The following HLCS variants were observed in gnomAD, a reference collection of about 807,000 sequenced individuals.
HLCS encodes holocarboxylase synthetase, also known as biotin--protein ligase.
HLCS carries 53 observed loss-of-function variants against 75.0 expected under a neutral mutation model. The observed-to-expected ratio is 0.71, with a 90% CI of 0.57 to 0.89. The LOEUF is 0.89. HLCS is among the 40% of genes least tolerant of loss of function. The pLI is 0.00. For synonymous variants in HLCS, 431 were observed against 428.6 expected, an observed-to-expected ratio of 1.01 and a Z score of -0.07; for missense variants, 966 against 1,074.0, an observed-to-expected ratio of 0.90 and a Z score of 1.41.
At chr21:36,857,112 C>T (rs759618067) in intron 6 of HLCS, among the ~76,000 whole-genome samples, 36 of 152,164 alleles carry the variant, frequency 2.4e-4, no homozygotes, top group Non-Finnish European at 4.7e-4. Context: ...CAAAATAGGT[C>T]AAACAACATG....
intron 6 of HLCS, among the ~76,000 whole-genome samples, chr21:36,861,846 G>T (rs1207408281): frequency 6.6e-6 from 1 of 152,100 alleles, no homozygotes; most frequent in Non-Finnish European, 1.5e-5. Flanking sequence ...CTTTCACAAA[G>T]TTGTATAACC....
intron 1 of HLCS, chr21:36,973,610 T>G (rs138140989): frequency 6.6e-6 from 1 of 152,320 alleles, no homozygotes; most frequent in Non-Finnish European, 1.5e-5. Flanking sequence ...TACCTGGCAT[T>G]CCTGACCATG....
At chr21:36,882,765 C>A (rs1036003602) in intron 6 of HLCS, among the ~76,000 whole-genome samples, 3 of 151,826 alleles carry the variant, frequency 2.0e-5, no homozygotes, top group Admixed American at 6.6e-5. Context: ...CCGGCCCAGT[C>A]TGAGGTTTTT....
intron 7 of HLCS, 88 bp downstream of exon 7, chr21:36,767,130 G>A (rs1465488197): frequency 1.0e-5 from 13 of 1,261,246 alleles, no homozygotes; most frequent in Non-Finnish European, 1.4e-5. Flanking sequence ...CAGATGATCA[G>A]CACACACATT....
At chr21:36,782,955 C>T (rs1030344032) in intron 6 of HLCS, among the ~76,000 whole-genome samples, 16 of 151,960 alleles carry the variant, frequency 1.1e-4, no homozygotes, top group Non-Finnish European at 2.2e-4. Context: ...CCAGCCTGGG[C>T]GACAGAGTGA....
chr21:36,898,598 C>T (rs1373658055), intron 5 of HLCS, among the ~76,000 whole-genome samples: 4 of 151,834 alleles, frequency 2.6e-5, no homozygotes, highest in East Asian at 1.9e-4. Context: ...AGGGAGACCC[C>T]GTCTAGATTA....
intron 1 of HLCS, among the ~76,000 whole-genome samples, chr21:36,989,498 T>C (rs573734329): frequency 1.2e-3 from 186 of 151,614 alleles, no homozygotes; most frequent in Middle Eastern, 3.4e-3. Context: ...CGACTAATTT[T>C]TGTTATTTTT....
At chr21:36,841,497 C>T (rs752008324) in intron 6 of HLCS, among the ~76,000 whole-genome samples, 6 of 152,220 alleles carry the variant, frequency 3.9e-5, no homozygotes, top group African/African-American at 9.7e-5. Context: ...AGCCACATAA[C>T]GCAACTTTTG....
intron 4 of HLCS, among the ~76,000 whole-genome samples, chr21:36,931,534 G>A (rs1035910005): frequency 6.6e-6 from 1 of 152,012 alleles, no homozygotes; most frequent in African/African-American, 2.4e-5. Context: ...AGGATTGCTT[G>A]AGCCTAGGAG....
At chr21:36,770,439 G>A (rs571945151) in intron 6 of HLCS, among the ~76,000 whole-genome samples, 2 of 152,120 alleles carry the variant, frequency 1.3e-5, no homozygotes, top group South Asian at 2.1e-4. Context: ...AAGCCACCAC[G>A]CCTGGCCAAA....
At chr21:36,981,929 G>A (rs1227099298) in intron 1 of HLCS, among the ~76,000 whole-genome samples, 2 of 152,158 alleles carry the variant, frequency 1.3e-5, no homozygotes, top group African/African-American at 4.8e-5. Flanking sequence ...GAAATAAATA[G>A]GAAAATGAAT....
chr21:36,757,960 T>C (rs183752548), intron 9 of HLCS, among the ~76,000 whole-genome samples: 6 of 152,328 alleles, frequency 3.9e-5, no homozygotes, highest in Non-Finnish European at 7.3e-5. Flanking sequence ...ACTTAGGCTA[T>C]GTCCTTCTAA....
intron 1 of HLCS, among the ~76,000 whole-genome samples, chr21:36,976,638 C>T (rs1260744149): frequency 6.6e-6 from 1 of 152,086 alleles, no homozygotes; most frequent in Non-Finnish European, 1.5e-5. Context: ...TTTGGTAAAT[C>T]CATGGTTGTG....
chr21:36,838,620 C>T (rs1256288768), intron 6 of HLCS, among the ~76,000 whole-genome samples: 1 of 151,442 alleles, frequency 6.6e-6, no homozygotes, highest in Admixed American at 6.6e-5. Flanking sequence ...AGGAGAATGA[C>T]GTGAACCCGG....
chr21:36,891,810 G>A (rs146698611), intron 6 of HLCS, among the ~76,000 whole-genome samples: 102 of 152,304 alleles, frequency 6.7e-4, no homozygotes, highest in African/African-American at 2.3e-3. Context: ...TCAGCAACCA[G>A]CAATCTAAGT....
At position 36,762,167 on chromosome 21, in the gene HLCS, C is replaced by T. The variant is rs996618641; in HGVS notation, c.2122-2326G>A. Among the ~76,000 whole-genome samples the T allele has an allele frequency of 1.2e-4, 19 of 152,288 alleles. 1 individual carries two copies. In the South Asian group the frequency reaches 2.9e-3, roughly 23 times the overall value. On this transcript the variant is annotated intron_variant, in intron 8 of 10. Coordinates refer to ENST00000674895, the MANE Select transcript of HLCS (RefSeq NM_001352514.2). Reference sequence around the variant, plus strand: ...GAAGAGCTGCTAACATCATGGGAGACGGAACAGGTGCACACATCACTCCTC... The same window carrying T: ...GAAGAGCTGCTAACATCATGGGAGATGGAACAGGTGCACACATCACTCCTC...
chr21:36,875,327 C>T (rs1042765857), intron 6 of HLCS, among the ~76,000 whole-genome samples: 3 of 152,136 alleles, frequency 2.0e-5, no homozygotes, highest in Non-Finnish European at 4.4e-5. Context: ...TTTGGCCATT[C>T]GGATGGTGCT....
intron 6 of HLCS, among the ~76,000 whole-genome samples, chr21:36,857,360 T>C (rs761545933): frequency 6.6e-6 from 1 of 152,216 alleles, no homozygotes; most frequent in Non-Finnish European, 1.5e-5. Context: ...GTAGGTGGAA[T>C]GGCAGAAGGC....
intron 1 of HLCS, chr21:36,986,682 T>G (rs2069235502): frequency 6.6e-6 from 1 of 152,254 alleles, no homozygotes; most frequent in Non-Finnish European, 1.5e-5. Flanking sequence ...CCTCCCAAAG[T>G]GCTGGGACTA....
Sources: gnomAD v4.1 joint callset for allele counts (sites outside exome capture counted in the v4.1 genomes callset) on GRCh38, gnomAD v4.1.1 for gene constraint, MANE v1.5 for transcripts, NCBI Gene and HGNC (gene_info 2026-07-23, HGNC 2026-07-21) for gene names.